The following AFF1 variants were observed in gnomAD, a reference collection of about 807,000 sequenced individuals.
AFF1 encodes the protein ALF transcription elongation factor 1, also known as AF4/FMR2 family member 1.
In AFF1, 48 loss-of-function variants were observed where a neutral mutation model predicts 121.7. The observed-to-expected ratio is 0.39, with a 90% CI of 0.31 to 0.50. The LOEUF is 0.50. Among genes scored for constraint, AFF1 ranks in the 20% least tolerant of loss-of-function variants. The pLI is 0.76. For missense variants in AFF1, 1,523 were observed against 1,511.7 expected (o/e 1.01, Z -0.12); for synonymous variants, 613 against 563.0 (o/e 1.09, Z -1.26).
At chr4:87,060,060 A>G (rs17012336) in intron 4 of AFF1, among the ~76,000 whole-genome samples, 3,012 of 152,306 alleles carry the variant, frequency 0.02, 109 homozygotes, top group African/African-American at 0.069. Flanking sequence ...CCTATTCAGG[A>G]CACTTGACTG....
intron 2 of AFF1, among the ~76,000 whole-genome samples, chr4:86,995,289 CCCCTCT>C (rs1025054874): frequency 1.5e-5 from 2 of 129,860 alleles, no homozygotes. Flanking sequence ...CCTCTCCCTC[CCCCTCT>C]CCCTCCCTCC....
At chr4:87,108,739 A>G (rs956409399) in intron 11 of AFF1, among the ~76,000 whole-genome samples, 6 of 152,364 alleles carry the variant, frequency 3.9e-5, no homozygotes, top group East Asian at 1.9e-4. Context: ...TGCCTGATTT[A>G]GCAAAGGGCA....
intron 2 of AFF1, among the ~76,000 whole-genome samples, chr4:87,037,380 C>A (rs548132241): frequency 6.6e-6 from 1 of 152,234 alleles, no homozygotes; most frequent in Admixed American, 6.5e-5. Context: ...GGCGCGTTCT[C>A]AGCTCACTGC....
At chr4:87,038,312 CG>C (rs1560563024) in intron 2 of AFF1, among the ~76,000 whole-genome samples, 1 of 152,030 alleles carries the variant, frequency 6.6e-6, no homozygotes, top group African/African-American at 2.4e-5. Context: ...GATGGAGAGA[CG>C]AAAAAAATCT....
In AFF1 at chr4:87,094,929, T is replaced by C. The variant is rs1041732471; in HGVS notation, c.1243T>C (p.Ser415Pro). Residue 415 changes from serine (S) to proline (P), a missense_variant, in exon 8 of 21, where the codon TCT (serine) becomes CCT (proline). This residue lies in a region of AFF1 where 905 missense variants were observed against 842.5 expected (regional missense o/e 1.07). Transcript: ENST00000395146. ...CTCCCCCACAGAACAATATGATACA[T>C]CTTCAAAAACTCACTCAAATTCTCA... ...VTQNQKQYDTSSKTHSNSQQG... is the reference protein window; with the variant it reads ...VTQNQKQYDTPSKTHSNSQQG... 6.2e-7 allele frequency: 1 copy of C among 1,613,924 alleles called. No homozygotes were observed. Among genetic ancestry groups the C allele is most frequent in the African/African-American group, 1.3e-5 (1 of 75,046 alleles).
intron 2 of AFF1, among the ~76,000 whole-genome samples, chr4:86,991,896 C>T (rs7677287): frequency 0.044 from 6,137 of 141,024 alleles, 405 homozygotes; most frequent in African/African-American, 0.15. Flanking sequence ...TGCTTTGGTC[C>T]TATTTATTGA....
intron 2 of AFF1, among the ~76,000 whole-genome samples, chr4:86,978,147 GCTTA>G (rs1164076962): frequency 8.4e-5 from 6 of 71,438 alleles, no homozygotes; most frequent in Non-Finnish European, 1.6e-4. Flanking sequence ...ATTGATGGTA[GCTTA>G]CTTCTCTTAC....
At chr4:86,968,009 G>T (rs552574566) in intron 2 of AFF1, among the ~76,000 whole-genome samples, 1 of 152,304 alleles carries the variant, frequency 6.6e-6, no homozygotes, top group South Asian at 2.1e-4. Flanking sequence ...TAGCAGAGAA[G>T]GCTTAGTAAG....
At chr4:86,940,328 T>C (rs960559294) in intron 1 of AFF1, among the ~76,000 whole-genome samples, 14 of 152,208 alleles carry the variant, frequency 9.2e-5, no homozygotes, top group African/African-American at 3.4e-4. Context: ...GCCCCAATTT[T>C]CCAAAGGGTT....
intron 2 of AFF1, among the ~76,000 whole-genome samples, chr4:86,957,284 C>T (rs1358824563): frequency 6.6e-6 from 1 of 152,128 alleles, no homozygotes; most frequent in African/African-American, 2.4e-5. Flanking sequence ...TCCATTATAA[C>T]AGTACTTTTC....
At position 86,938,405 on chromosome 4, in the gene AFF1, G is replaced by A. The variant is rs144831854; in HGVS notation, c.-37+3165G>A. Among the ~76,000 whole-genome samples, 1,350 of 144,838 alleles carry A rather than the reference G, an allele frequency of 9.3e-3. 20 individuals are homozygous for A. Among genetic ancestry groups the A allele is most frequent in the African/African-American group, 0.033 (1,288 of 38,814 alleles). On this transcript the variant is annotated intron_variant, in intron 1 of 20. Coordinates refer to ENST00000395146, the MANE Select transcript of AFF1 (RefSeq NM_001166693.3). ...GCGGAGGTTGCAGTGAGCCGAGATT[G>A]CACTGCTGCACTCCAGCCTGGGCCA... is the stretch of plus-strand genomic sequence containing the variant.
chr4:87,116,863 ACAAAAC>A (rs1560644796), intron 12 of AFF1, among the ~76,000 whole-genome samples: 3 of 152,036 alleles, frequency 2.0e-5, no homozygotes, highest in African/African-American at 7.2e-5. Flanking sequence ...TGTGAAAGGT[ACAAAAC>A]TTTATGGAGA....
intron 2 of AFF1, among the ~76,000 whole-genome samples, chr4:86,965,781 T>C (rs1722495687): frequency 1.3e-5 from 2 of 152,140 alleles, no homozygotes; most frequent in South Asian, 4.1e-4. Context: ...CATCAGTGCT[T>C]GTCATTGCTG....
In AFF1 at chr4:87,047,435, T is replaced by C; in HGVS notation, c.900T>C (p.Tyr300=). ...SVAMQQKPTA[Y]VRPMDGQDQA... is the part of the protein sequence containing the mutation. ...CAATGCAGCAGAAGCCCACGGCTTA[T>C]GTCCGGCCCATGGATGGTCAAGATC... The change falls in exon 4 of 21, where the codon TAT becomes TAC. Residue 300 remains tyrosine, a synonymous_variant. Coordinates refer to ENST00000395146, the MANE Select transcript of AFF1 (RefSeq NM_001166693.3). The C allele has an allele frequency of 6.2e-7, 1 of 1,614,200 alleles. No homozygotes were observed. Among genetic ancestry groups the C allele is most frequent in the South Asian group, 1.1e-5 (1 of 91,080 alleles).
intron 8 of AFF1, among the ~76,000 whole-genome samples, chr4:87,096,859 G>A (rs1449214972): frequency 6.6e-6 from 1 of 152,034 alleles, no homozygotes. Flanking sequence ...TCCTCCTGCC[G>A]CAGCTTCCTG....
At chr4:86,978,190 T>TTTTTTTTTTTTTTTTG in intron 2 of AFF1, among the ~76,000 whole-genome samples, 1 of 111,300 alleles carries the variant, frequency 9.0e-6, no homozygotes. Context: ...TTTTTTTTTT[T>TTTTTTTTTTTTTTTTG]TTTTTTTTTT....
chr4:87,034,124 A>G (rs754252402), intron 2 of AFF1, among the ~76,000 whole-genome samples: 3 of 152,204 alleles, frequency 2.0e-5, no homozygotes, highest in Non-Finnish European at 4.4e-5. Context: ...AGGAGCCGAT[A>G]GTTATAACCT....
At chr4:87,044,795 C>T (rs753972436) in intron 2 of AFF1, among the ~76,000 whole-genome samples, 1 of 152,170 alleles carries the variant, frequency 6.6e-6, no homozygotes, top group Non-Finnish European at 1.5e-5. Flanking sequence ...ACAGGGTATG[C>T]TCAGGGGATG....
chr4:87,032,128 A>G lies in AFF1; in HGVS notation c.39-14038A>G, dbSNP rs568591185. Among the ~76,000 whole-genome samples, 8 of 152,354 alleles carry G rather than the reference A, an allele frequency of 5.3e-5. No homozygotes were observed. The East Asian group carries it at 1.3e-3, about 26-fold the overall frequency. ...GTCAAATGAAGGGAGACTTCTGCAG[A>G]AAAACAATGACTTACTGTTTAGCTT... On this transcript the variant is annotated intron_variant, in intron 2 of 20. Transcript: ENST00000395146.
Sources: allele counts gnomAD v4.1 joint callset (sites outside exome capture counted in the v4.1 genomes callset), GRCh38; gene constraint gnomAD v4.1.1; regional missense constraint gnomAD v4.1.1; transcripts MANE v1.5; gene names NCBI Gene and HGNC (gene_info 2026-07-23, HGNC 2026-07-21).